The following MAP4 variants were observed in gnomAD, a reference collection of about 807,000 sequenced individuals.
The protein encoded by MAP4 is microtubule-associated protein 4.
A neutral mutation model predicts 170.2 loss-of-function variants in MAP4; 76 were observed. The observed-to-expected ratio is 0.45, with a 90% CI of 0.37 to 0.54. The LOEUF (loss-of-function observed/expected upper bound fraction) is 0.54, where lower values mean the gene tolerates loss of function less well. MAP4 is among the 20% of genes least tolerant of loss of function. The pLI is 0.00. For synonymous variants in MAP4, 909 were observed against 994.5 expected (o/e 0.91, Z 1.62); for missense variants, 2,506 against 2,748.0 (o/e 0.91, Z 1.97).
intron 17 of MAP4, among the ~76,000 whole-genome samples, chr3:47,859,272 C>G (rs1404897840): frequency 4.6e-5 from 7 of 152,190 alleles, no homozygotes; most frequent in Non-Finnish European, 4.4e-5. Flanking sequence ...CACATCAACT[C>G]CATGCAGTGT....
rs181269320 is a variant in MAP4 at position 47,975,858 on chromosome 3, C to T, written c.292+2007G>A. Among the ~76,000 whole-genome samples, 396 of 151,020 alleles carry T rather than the reference C, an allele frequency of 2.6e-3. 4 individuals are homozygous for T. Among genetic ancestry groups the T allele is most frequent in the African/African-American group, 9.3e-3 (381 of 41,072 alleles). On this transcript the variant is annotated intron_variant, in intron 3 of 20. Transcript: ENST00000683076. ...AGGCTGGAGTGCAGTGGTGCGATCT[C>T]GGCTCACTGAAACCTCCGCCTCCTG...
At chr3:48,025,421 G>C (rs114228295) in intron 1 of MAP4, among the ~76,000 whole-genome samples, 1 of 150,902 alleles carries the variant, frequency 6.6e-6, no homozygotes. Context: ...CCCAAGTAGC[G>C]GGCAGTACAG....
chr3:47,884,845 T>C (rs1055432965), intron 10 of MAP4, among the ~76,000 whole-genome samples: 4 of 152,130 alleles, frequency 2.6e-5, no homozygotes, highest in African/African-American at 9.7e-5. Context: ...CTCCTGCCCC[T>C]GGGTAGAGGA....
At chr3:47,996,870 G>A in intron 2 of MAP4, among the ~76,000 whole-genome samples, 1 of 152,034 alleles carries the variant, frequency 6.6e-6, no homozygotes, top group African/African-American at 2.4e-5. Context: ...TAGAAAAGGT[G>A]GAAAACATAG....
intron 10 of MAP4, among the ~76,000 whole-genome samples, chr3:47,895,511 C>G (rs1020594691): frequency 1.3e-5 from 2 of 152,224 alleles, no homozygotes; most frequent in African/African-American, 4.8e-5. Context: ...TTGGCAGAGG[C>G]ATGACTGGGC....
chr3:48,043,650 T>C (rs1337499218), intron 1 of MAP4, among the ~76,000 whole-genome samples: 3 of 152,322 alleles, frequency 2.0e-5, no homozygotes, highest in Non-Finnish European at 2.9e-5. Context: ...TAGAGATGCA[T>C]ATACAAACTC....
At chr3:47,997,963 C>T (rs1449547671) in intron 2 of MAP4, among the ~76,000 whole-genome samples, 1 of 152,140 alleles carries the variant, frequency 6.6e-6, no homozygotes. Flanking sequence ...ACAGAAAATT[C>T]CAGGCCCAGA....
intron 1 of MAP4, among the ~76,000 whole-genome samples, chr3:48,044,933 A>C (rs2100123638): frequency 6.9e-6 from 1 of 144,328 alleles, no homozygotes; most frequent in African/African-American, 2.6e-5. Flanking sequence ...TGGGCAACAG[A>C]GCAAGATCCT....
intron 3 of MAP4, among the ~76,000 whole-genome samples, chr3:47,952,188 G>A (rs1187692834): frequency 2.0e-5 from 3 of 150,848 alleles, no homozygotes; most frequent in African/African-American, 7.3e-5. Context: ...GAGCCCCTCC[G>A]CCCAGCAGCC....
In MAP4 at chr3:47,977,669, C is replaced by G. The variant is rs981562598; in HGVS notation, c.292+196G>C. On this transcript the variant is annotated intron_variant, in intron 3 of 20. Coordinates refer to ENST00000683076, the MANE Select transcript of MAP4 (RefSeq NM_001385682.1). The stretch of plus-strand genomic sequence containing the variant: ...AATAAATATTCAAAAAATATCAAAG[C>G]AAACTCATTATTCTCCTTCCATTGT... 5.9e-5 allele frequency among the ~76,000 whole-genome samples: 9 copies of G among 152,346 alleles called. No individual in the cohort carries two copies. The East Asian group carries it at 1.7e-3, about 29-fold the overall frequency.
intron 3 of MAP4, among the ~76,000 whole-genome samples, chr3:47,936,653 G>C (rs2100053068): frequency 6.6e-6 from 1 of 151,938 alleles, no homozygotes; most frequent in Non-Finnish European, 1.5e-5. Flanking sequence ...AAACCAAAAA[G>C]AGATATGCTA....
intron 3 of MAP4, among the ~76,000 whole-genome samples, chr3:47,955,952 C>G (rs866724675): frequency 9.9e-5 from 15 of 152,136 alleles, no homozygotes; most frequent in South Asian, 2.1e-4. Context: ...GCCCAGACTT[C>G]TAGAATTTTG....
At chr3:47,997,794 C>T (rs937846905) in intron 2 of MAP4, among the ~76,000 whole-genome samples, 2 of 152,024 alleles carry the variant, frequency 1.3e-5, no homozygotes, top group African/African-American at 2.4e-5. Flanking sequence ...ATCCTACAGA[C>T]ATTAAAAGCA....
chr3:47,852,982 G>A (rs1328533644), intron 20 of MAP4, 44 bp from the exon 21 acceptor site: 1 of 1,614,070 alleles, frequency 6.2e-7, no homozygotes, highest in Non-Finnish European at 8.5e-7. Flanking sequence ...GAACAGGGGA[G>A]ACAAGAGGGG....
At chr3:47,861,664 TA>T (rs2066261941) in intron 17 of MAP4, among the ~76,000 whole-genome samples, 1 of 151,422 alleles carries the variant, frequency 6.6e-6, no homozygotes, top group African/African-American at 2.4e-5. Context: ...ACTCTGTCTT[TA>T]AAACAACAAC....
At chr3:47,980,041 C>A (rs1481867250) in intron 2 of MAP4, among the ~76,000 whole-genome samples, 1 of 152,020 alleles carries the variant, frequency 6.6e-6, no homozygotes, top group Non-Finnish European at 1.5e-5. Flanking sequence ...CTATGTTTCC[C>A]AGACTGCTCT....
At chr3:47,860,354 A>G (rs546882984) in intron 17 of MAP4, among the ~76,000 whole-genome samples, 1 of 152,320 alleles carries the variant, frequency 6.6e-6, no homozygotes, top group East Asian at 1.9e-4. Context: ...CACCATGCCC[A>G]GCTAATTTTT....
chr3:47,862,968 T>G (rs539338352), intron 17 of MAP4, among the ~76,000 whole-genome samples: 22 of 151,890 alleles, frequency 1.4e-4, no homozygotes, highest in East Asian at 5.8e-4. Flanking sequence ...AAAAGTTGTT[T>G]TTTTTTTTTT....
intron 1 of MAP4, among the ~76,000 whole-genome samples, chr3:48,060,228 C>T (rs923759682): frequency 6.6e-6 from 1 of 152,112 alleles, no homozygotes; most frequent in Non-Finnish European, 1.5e-5. Flanking sequence ...GTTGATCTTT[C>T]TCAGCCACTA....
Sources: allele counts gnomAD v4.1 joint callset (sites outside exome capture counted in the v4.1 genomes callset), GRCh38; gene constraint gnomAD v4.1.1; transcripts MANE v1.5; gene names NCBI Gene and HGNC (gene_info 2026-07-23, HGNC 2026-07-21).